CCDC102B: variants seen among roughly 807,000 people sequenced by gnomAD.
CCDC102B encodes coiled-coil domain containing 102B.
Under a neutral mutation model 57.4 loss-of-function variants are expected in CCDC102B, and 75 were observed. The observed-to-expected ratio is 1.31, with a 90% confidence interval of 1.08 to 1.58. The LOEUF is 1.58. CCDC102B is among the 40% of genes most tolerant of loss of function. The pLI is 0.00. For missense variants in CCDC102B, 636 were observed against 582.6 expected (o/e 1.09, Z -0.94); for synonymous variants, 206 against 201.9 (o/e 1.02, Z -0.17).
intron 4 of CCDC102B, among the ~76,000 whole-genome samples, chr18:68,871,674 C>T (rs2039244350): frequency 6.6e-6 from 1 of 151,796 alleles, no homozygotes; most frequent in African/African-American, 2.4e-5. Flanking sequence ...CTAGAGTATA[C>T]AAGTAACAGT....
chr18:68,827,894 C>T (rs1400135562), intron 1 of CCDC102B, among the ~76,000 whole-genome samples: 1 of 151,662 alleles, frequency 6.6e-6, no homozygotes, highest in African/African-American at 2.4e-5. Context: ...TTAAAAAATA[C>T]CTAAGAGTAG....
intron 2 of CCDC102B, among the ~76,000 whole-genome samples, chr18:68,718,768 G>C (rs1270236957): frequency 6.6e-6 from 1 of 152,132 alleles, no homozygotes; most frequent in East Asian, 1.9e-4. Flanking sequence ...GACCCAGTGG[G>C]GCCCATCAAT....
chr18:68,839,013 A>G, intron 3 of CCDC102B, 87 bp downstream of exon 3: 1 of 1,057,596 alleles, frequency 9.5e-7, no homozygotes, highest in Non-Finnish European at 1.4e-6. Context: ...TCATTTGATA[A>G]TGTATTTTAT....
intron 2 of CCDC102B, among the ~76,000 whole-genome samples, chr18:68,727,046 TC>T (rs778038142): frequency 6.6e-6 from 1 of 152,052 alleles, no homozygotes; most frequent in Non-Finnish European, 1.5e-5. Context: ...TTTGGAAAAA[TC>T]GTTATCATCT....
chr18:68,970,258 C>T (rs2050267431), intron 6 of CCDC102B, among the ~76,000 whole-genome samples: 1 of 151,838 alleles, frequency 6.6e-6, no homozygotes, highest in African/African-American at 2.4e-5. Flanking sequence ...CATGTATTTC[C>T]TACTGGAAGA....
At chr18:69,037,656 GAAGAGA>G (rs1404239555) in intron 7 of CCDC102B, among the ~76,000 whole-genome samples, 1 of 152,004 alleles carries the variant, frequency 6.6e-6, no homozygotes, top group African/African-American at 2.4e-5. Context: ...AGGCATGAGG[GAAGAGA>G]AAGAGTAAAA....
chr18:68,813,774 T>TTATATA (rs142225933), intron 1 of CCDC102B, among the ~76,000 whole-genome samples: 5,930 of 145,910 alleles, frequency 0.041, 139 homozygotes, highest in African/African-American at 0.061. Context: ...AAATATAATT[T>TTATATA]TATATATATA....
chr18:68,937,950 T>C (rs551506019), intron 6 of CCDC102B, among the ~76,000 whole-genome samples: 3 of 152,252 alleles, frequency 2.0e-5, no homozygotes, highest in African/African-American at 4.8e-5. Context: ...TCCTTTTTTA[T>C]GGCTGCATAG....
In CCDC102B at chr18:68,836,844, C is replaced by G. The variant is rs761049418; in HGVS notation, c.81C>G (p.Gly27=). Residue 27 remains glycine, a synonymous_variant, in exon 2 of 8, where the codon GGC becomes GGG. Transcript: ENST00000360242. ...QMQQSSIKSR[G]DMVAPASPPR... ...AACAATCATCAATTAAGTCACGCGGCGACATGGTGGCACCTGCCTCACCCC... is the reference window on the plus strand; with the variant it reads ...AACAATCATCAATTAAGTCACGCGGGGACATGGTGGCACCTGCCTCACCCC... 6.2e-7 allele frequency: 1 copy of G among 1,613,900 alleles called. No homozygotes were observed. Among genetic ancestry groups the G allele is most frequent in the African/African-American group, 1.3e-5 (1 of 74,964 alleles).
At chr18:68,907,852 T>C (rs1386556810) in intron 6 of CCDC102B, among the ~76,000 whole-genome samples, 1 of 152,236 alleles carries the variant, frequency 6.6e-6, no homozygotes, top group African/African-American at 2.4e-5. Context: ...GGAGGCACGC[T>C]TGTATTGGGG....
intron 3 of CCDC102B, among the ~76,000 whole-genome samples, chr18:68,843,254 A>T (rs1349547211): frequency 6.6e-6 from 1 of 152,220 alleles, no homozygotes; most frequent in African/African-American, 2.4e-5. Flanking sequence ...TTGAACTGTT[A>T]TAAAAATGAA....
At chr18:68,930,273 C>T (rs2041623726) in intron 6 of CCDC102B, among the ~76,000 whole-genome samples, 1 of 148,854 alleles carries the variant, frequency 6.7e-6, no homozygotes, top group African/African-American at 2.5e-5. Context: ...ATATATTATA[C>T]ATTATATGCA....
At chr18:69,021,806 T>A (rs926333782) in intron 7 of CCDC102B, among the ~76,000 whole-genome samples, 9 of 152,214 alleles carry the variant, frequency 5.9e-5, no homozygotes, top group African/African-American at 1.9e-4. Flanking sequence ...AATGAAGACA[T>A]CATAGACAAA....
chr18:68,823,924 T>G (rs974167611), intron 1 of CCDC102B, among the ~76,000 whole-genome samples: 1 of 152,106 alleles, frequency 6.6e-6, no homozygotes, highest in Non-Finnish European at 1.5e-5. Flanking sequence ...GCTTGTTGAT[T>G]TAAGTTCCTT....
chr18:68,760,523 C>G (rs2034219054), intron 2 of CCDC102B, among the ~76,000 whole-genome samples: 1 of 152,074 alleles, frequency 6.6e-6, no homozygotes, highest in South Asian at 2.1e-4. Flanking sequence ...TTGATACATT[C>G]ATTTAGCCAG....
rs960188187 is a variant in CCDC102B, at chr18:68,805,153, T to A, written c.-16+6972T>A. Among the ~76,000 whole-genome samples, 6 of 152,292 alleles carry A rather than the reference T, an allele frequency of 3.9e-5. No individual in the cohort carries two copies. In the South Asian group the frequency reaches 1.0e-3, roughly 26 times the overall value. ...GCAGTTGTCTTATAATTACATATCT[T>A]TTGTAAGTGAAATAGAAAAACCCCC... On this transcript the variant is annotated intron_variant, in intron 1 of 7. Transcript: ENST00000360242.
At chr18:68,775,651 G>A (rs1295529878) in intron 2 of CCDC102B, among the ~76,000 whole-genome samples, 3 of 119,686 alleles carry the variant, frequency 2.5e-5, no homozygotes, top group African/African-American at 3.3e-5. Flanking sequence ...GATAACTCCT[G>A]GATTTTTTTT....
chr18:68,788,902 T>C (rs2035318189), intron 2 of CCDC102B, among the ~76,000 whole-genome samples: 1 of 152,218 alleles, frequency 6.6e-6, no homozygotes, highest in Non-Finnish European at 1.5e-5. Flanking sequence ...TGCTCGTTAG[T>C]TGATGCAGTT....
rs1300784434 is a variant in CCDC102B at position 69,009,881 on chromosome 18, T to C, written c.1264-1053T>C. Among the ~76,000 whole-genome samples, 4 of 149,346 alleles carry C rather than the reference T, an allele frequency of 2.7e-5. No individual in the cohort carries two copies. In the East Asian group the frequency reaches 7.8e-4, roughly 29 times the overall value. On this transcript the variant is annotated intron_variant, in intron 6 of 7. Transcript: ENST00000360242. ...GTTTTCCTACAGTATTATAACATTA[T>C]GAAGAACCAGAGGCTAACTTTTTCT... is the stretch of plus-strand genomic sequence containing the variant.
Sources: allele counts gnomAD v4.1 joint callset (sites outside exome capture counted in the v4.1 genomes callset), GRCh38; gene constraint gnomAD v4.1.1; transcripts MANE v1.5; gene names NCBI Gene and HGNC (gene_info 2026-07-23, HGNC 2026-07-21).